The following CCDC7 variants were observed in gnomAD, a reference collection of about 807,000 sequenced individuals.
CCDC7 encodes coiled-coil domain-containing protein 7.
Under a neutral mutation model 196.9 loss-of-function variants are expected in CCDC7, and 183 were observed. The observed-to-expected ratio is 0.93, with a 90% CI of 0.82 to 1.05. CCDC7 has a LOEUF of 1.05. Among genes scored for constraint, CCDC7 ranks in the 50% least tolerant of loss-of-function variants. The probability of loss-of-function intolerance (pLI) is 0.00; values close to 1 mark genes in which losing one functional copy is unlikely to be tolerated. For missense variants in CCDC7, 1,540 were observed against 1,482.2 expected (o/e 1.04, Z -0.64); for synonymous variants, 525 against 484.6 (o/e 1.08, Z -1.10).
chr10:32,814,255 G>A, intron 30 of CCDC7, 115 bp from the exon 32 acceptor site: 8 of 767,106 alleles, frequency 1.0e-5, no homozygotes, highest in Non-Finnish European at 1.7e-5. Flanking sequence ...ACCGTGCCCA[G>A]CCACAAATAT....
intron 10 of CCDC7, 67 bp downstream of exon 11, chr10:32,518,042 G>A: frequency 6.7e-7 from 1 of 1,501,606 alleles, no homozygotes; most frequent in South Asian, 1.3e-5. Context: ...TCTAGAAATT[G>A]TCAGGATACA....
chr10:32,530,792 T>TA lies in CCDC7; in HGVS notation c.993+12288dup, dbSNP rs531573168. 5.4e-4 allele frequency among the ~76,000 whole-genome samples: 82 copies of TA among 152,274 alleles called. 1 individual carries two copies. Among genetic ancestry groups the TA allele is most frequent in the Admixed American group, 3.9e-3 (60 of 15,294 alleles). On this transcript the variant is annotated intron_variant, in intron 11 of 41. Coordinates refer to ENST00000639629, the Ensembl canonical transcript of CCDC7. ...TTTTTCTGGCCAGGACTTCCAGTGT[T>TA]ATGTTTAATAAAAGTGGTGAAAGTT...
downstream of CCDC7, chr10:32,876,493 C>T (rs950428064): frequency 1.1e-5 from 13 of 1,149,386 alleles, no homozygotes; most frequent in Admixed American, 5.9e-5. Flanking sequence ...AATACTGACT[C>T]GTGTGGATGG....
chr10:32,827,796 A>T (rs1322291675), intron 32 of CCDC7, among the ~76,000 whole-genome samples: 1 of 152,184 alleles, frequency 6.6e-6, no homozygotes, highest in East Asian at 1.9e-4. Context: ...AGTATAATAA[A>T]AATAAATAAC....
chr10:32,588,623 A>G (rs1276237389), intron 18 of CCDC7, among the ~76,000 whole-genome samples: 1 of 152,140 alleles, frequency 6.6e-6, no homozygotes, highest in East Asian at 1.9e-4. Flanking sequence ...TGTTTTTAAA[A>G]ATAATGTCTT....
upstream of CCDC7, among the ~76,000 whole-genome samples, chr10:32,444,171 C>T (rs77605282): frequency 0.021 from 3,176 of 152,200 alleles, 48 homozygotes; most frequent in Non-Finnish European, 0.028. Flanking sequence ...TCCTTCCAAT[C>T]TTAAGGAAAA....
At chr10:32,539,579 T>C (rs2051070598) in intron 11 of CCDC7, among the ~76,000 whole-genome samples, 1 of 152,104 alleles carries the variant, frequency 6.6e-6, no homozygotes, top group South Asian at 2.1e-4. Flanking sequence ...GTTGGTTTAC[T>C]CTTCTTCTTC....
At chr10:32,464,058 T>C (rs2036262525) in intron 5 of CCDC7, among the ~76,000 whole-genome samples, 1 of 152,158 alleles carries the variant, frequency 6.6e-6, no homozygotes, top group African/African-American at 2.4e-5. Context: ...TATTAATGGG[T>C]TTACTTTTAC....
At chr10:32,817,827 A>C (rs550301048) in intron 31 of CCDC7, among the ~76,000 whole-genome samples, 80 of 152,182 alleles carry the variant, frequency 5.3e-4, no homozygotes, top group South Asian at 1.7e-3. Flanking sequence ...TAAAAGAGCT[A>C]CTGAAGGAAG....
chr10:32,847,856 A>G (rs1261351046), exon 38 of CCDC7: 2 of 1,611,282 alleles, frequency 1.2e-6, no homozygotes, highest in South Asian at 1.1e-5. Flanking sequence ...ACCCTTGACA[A>G]ATGCCATTGG....
intron 32 of CCDC7, among the ~76,000 whole-genome samples, chr10:32,831,609 A>C (rs1281039775): frequency 1.3e-5 from 2 of 152,102 alleles, no homozygotes; most frequent in East Asian, 3.8e-4. Context: ...ATTACCTTTA[A>C]AACATTTTTG....
chr10:32,543,173 AT>A, intron 11 of CCDC7, 126 bp from the exon 13 acceptor site: 3 of 977,070 alleles, frequency 3.1e-6, no homozygotes, highest in Non-Finnish European at 4.0e-6. Flanking sequence ...TATGCAGATA[AT>A]TTTTCCTGAA....
chr10:32,598,026 C>G (rs993548559), intron 18 of CCDC7, among the ~76,000 whole-genome samples: 1 of 152,202 alleles, frequency 6.6e-6, no homozygotes, highest in African/African-American at 2.4e-5. Flanking sequence ...CTACTCTCTT[C>G]AAAGCTGTTG....
intron 16 of CCDC7, among the ~76,000 whole-genome samples, chr10:32,574,937 G>A (rs532267470): frequency 6.6e-6 from 1 of 152,200 alleles, no homozygotes; most frequent in South Asian, 2.1e-4. Context: ...TCATTCAAGA[G>A]ATACTTTTGT....
intron 21 of CCDC7, among the ~76,000 whole-genome samples, chr10:32,678,940 A>G (rs11814696): frequency 3.3e-5 from 5 of 152,246 alleles, no homozygotes; most frequent in African/African-American, 4.8e-5. Flanking sequence ...TGTGGAAGAA[A>G]GAGGGCTGGG....
chr10:32,697,769 C>T (rs750137553), intron 24 of CCDC7, among the ~76,000 whole-genome samples: 46 of 152,288 alleles, frequency 3.0e-4, no homozygotes, highest in African/African-American at 5.8e-4. Flanking sequence ...CAAAAGGCAG[C>T]GGAAACTTCT....
At chr10:32,574,512 C>A in intron 16 of CCDC7, 1 of 1,533,314 alleles carries the variant, frequency 6.5e-7, no homozygotes. Context: ...GAGACCCCAC[C>A]TGAGCAGATA....
At chr10:32,654,003 A>G (rs1008116712) in intron 20 of CCDC7, among the ~76,000 whole-genome samples, 6 of 152,026 alleles carry the variant, frequency 3.9e-5, no homozygotes, top group African/African-American at 1.4e-4. Flanking sequence ...AGGCTCTGTT[A>G]ATTTGCTTCA....
chr10:32,608,101 T>C (rs977464382), intron 18 of CCDC7, among the ~76,000 whole-genome samples: 4 of 152,122 alleles, frequency 2.6e-5, no homozygotes, highest in African/African-American at 4.8e-5. Context: ...AGCATATAGT[T>C]TTTCATAGTC....
Sources: gnomAD v4.1 joint callset for allele counts (sites outside exome capture counted in the v4.1 genomes callset) on GRCh38, gnomAD v4.1.1 for gene constraint, MANE v1.5 for transcripts, NCBI Gene and HGNC (gene_info 2026-07-23, HGNC 2026-07-21) for gene names.